WDR20: variants seen among roughly 807,000 people sequenced by gnomAD.
The protein encoded by WDR20 is WD repeat-containing protein 20.
Under a neutral mutation model 38.7 loss-of-function variants are expected in WDR20, and 3 were observed. The ratio of observed to expected loss-of-function variants is 0.08; its 90% CI spans 0.04 to 0.20. WDR20 has a LOEUF of 0.20. Ranked by LOEUF, WDR20 falls within the 10% of genes least tolerant of loss-of-function variation. The pLI is 1.00. For missense variants in WDR20, 559 were observed against 727.7 expected (o/e 0.77, Z 2.67); for synonymous variants, 298 against 285.6 (o/e 1.04, Z -0.44).
chr14:102,152,819 C>G (rs946008772), intron 1 of WDR20, among the ~76,000 whole-genome samples: 1 of 152,174 alleles, frequency 6.6e-6, no homozygotes, highest in Non-Finnish European at 1.5e-5. Flanking sequence ...GGATACTTTG[C>G]ATAGGTTATA....
chr14:102,170,536 G>C (rs529255699), intron 1 of WDR20, among the ~76,000 whole-genome samples: 1 of 151,872 alleles, frequency 6.6e-6, no homozygotes, highest in Non-Finnish European at 1.5e-5. Flanking sequence ...TATGAATTAA[G>C]CATTGTTTTG....
At chr14:102,178,793 G>A (rs2062734530) in intron 1 of WDR20, 1 of 151,988 alleles carries the variant, frequency 6.6e-6, no homozygotes, top group Non-Finnish European at 1.5e-5. Context: ...TCTCATCACA[G>A]CTCCCATTTA....
rs35097607 is a variant in WDR20, at chr14:102,220,719, C to CA, written c.1693-2093dup. ...TGGACAACAAAGTGAGACTCCGTCT[C>CA]AAAAAAAAAAAAAAAAAAGAAAATA... is the stretch of plus-strand genomic sequence containing the variant. On this transcript the variant is annotated intron_variant, in intron 3 of 3. Transcript: ENST00000335263. This position sits in a 1 kb window ranked among gnomAD's most constrained non-coding sequence, Gnocchi z 4.2. Among the ~76,000 whole-genome samples the CA allele has an allele frequency of 2.0e-4, 22 of 111,666 alleles. No homozygotes were observed. Among genetic ancestry groups the CA allele is most frequent in the East Asian group, 5.7e-4 (2 of 3,516 alleles). The allele number at this position is 111,666 out of a possible 152,430, so 73.3% of individuals were successfully genotyped here.
chr14:102,143,343 G>A (rs2052187737), intron 1 of WDR20, among the ~76,000 whole-genome samples: 1 of 150,962 alleles, frequency 6.6e-6, no homozygotes, highest in Non-Finnish European at 1.5e-5. Context: ...TTTAGAGTGG[G>A]GTTTCTTGTG....
intron 1 of WDR20, among the ~76,000 whole-genome samples, chr14:102,180,258 G>A (rs1196325959): frequency 6.6e-6 from 1 of 152,186 alleles, no homozygotes; most frequent in Non-Finnish European, 1.5e-5. Flanking sequence ...AACGCTGCCT[G>A]TAGCAGGGTC....
chr14:102,213,171 G>T, downstream of WDR20: 1 of 985,698 alleles, frequency 1.0e-6, no homozygotes, highest in Non-Finnish European at 1.2e-6. Context: ...CTGCGATGGG[G>T]CAGGCTTCTA....
chr14:102,181,623 C>G (rs905502286), intron 1 of WDR20, among the ~76,000 whole-genome samples: 6 of 152,172 alleles, frequency 3.9e-5, no homozygotes, highest in Non-Finnish European at 7.4e-5. Flanking sequence ...ATTATTCACA[C>G]TGGGAAATGA....
intron 1 of WDR20, among the ~76,000 whole-genome samples, chr14:102,190,856 C>G (rs2066187389): frequency 6.6e-6 from 1 of 152,014 alleles, no homozygotes; most frequent in Admixed American, 6.6e-5. Context: ...CAAAAATTAG[C>G]CGGGCATGTT....
chr14:102,224,096 C>T (rs1007206426), downstream of WDR20, among the ~76,000 whole-genome samples: 3 of 140,840 alleles, frequency 2.1e-5, no homozygotes, highest in East Asian at 4.2e-4. Flanking sequence ...GGCTGGAGTG[C>T]AGTGGCGCAA....
intron 1 of WDR20, among the ~76,000 whole-genome samples, chr14:102,156,945 C>T (rs868858906): frequency 5.3e-5 from 8 of 149,728 alleles, no homozygotes; most frequent in East Asian, 1.9e-4. Context: ...AGCGGAGATC[C>T]GCGCCGTTGC....
chr14:102,213,226 T>C (rs569034513), downstream of WDR20: 5 of 985,462 alleles, frequency 5.1e-6, no homozygotes, highest in South Asian at 1.9e-4. Context: ...GCTTTTTTCT[T>C]ATTCAGAAGG....
chr14:102,187,713 G>A (rs549882542), intron 1 of WDR20, among the ~76,000 whole-genome samples: 1 of 152,170 alleles, frequency 6.6e-6, no homozygotes, highest in Non-Finnish European at 1.5e-5. Flanking sequence ...GGAAATGGGT[G>A]GAAGGAGACT....
At position 102,166,675 on chromosome 14, in the gene WDR20, T is replaced by C. The variant is rs76819302; in HGVS notation, c.249+26503T>C. Among the ~76,000 whole-genome samples, 1,473 of 152,324 alleles carry C rather than the reference T, an allele frequency of 9.7e-3. 24 individuals are homozygous for C. The highest frequency in any genetic ancestry group is 0.034 in the African/African-American group (1,424 of 41,568). ...TACTATACTCTTCATTATCTCTATT[T>C]GTTTTTGCCCTAATTTTGTTTTGAG... On this transcript the variant is annotated intron_variant, in intron 1 of 2. Transcript: ENST00000342702.
At chr14:102,214,251 C>G (rs984406843), downstream of WDR20, 2 of 985,650 alleles carry the variant, frequency 2.0e-6, no homozygotes, top group East Asian at 2.3e-4. Flanking sequence ...AGGGCCCCCC[C>G]TTGTCTGGAG....
At chr14:102,175,629 A>T (rs2061892514) in intron 1 of WDR20, among the ~76,000 whole-genome samples, 1 of 152,152 alleles carries the variant, frequency 6.6e-6, no homozygotes, top group South Asian at 2.1e-4. Context: ...TTGAATTTAT[A>T]GATTGCTTTT....
intron 1 of WDR20, among the ~76,000 whole-genome samples, chr14:102,172,675 C>T (rs1405427634): frequency 7.0e-6 from 1 of 142,062 alleles, no homozygotes. Context: ...GACCCCCCCA[C>T]CTCCCTCCCG....
chr14:102,223,469 T>C (rs192176866), exon 4 of WDR20: 16 of 152,738 alleles, frequency 1.0e-4, no homozygotes, highest in Admixed American at 8.5e-4. Context: ...CCCTCTGAGG[T>C]GCGGCGTGAA....
chr14:102,215,675 G>A (rs1457666750), downstream of WDR20, among the ~76,000 whole-genome samples: 1 of 152,098 alleles, frequency 6.6e-6, no homozygotes, highest in Non-Finnish European at 1.5e-5. Flanking sequence ...AGAGTTCATT[G>A]TCTGCCTACT....
intron 1 of WDR20, among the ~76,000 whole-genome samples, chr14:102,150,020 A>T (rs1363976459): frequency 1.3e-5 from 2 of 152,158 alleles, no homozygotes; most frequent in African/African-American, 2.4e-5. Context: ...GTAGATTTTT[A>T]AAAAGTAGAT....
Sources: allele counts gnomAD v4.1 joint callset (sites outside exome capture counted in the v4.1 genomes callset), GRCh38; gene constraint gnomAD v4.1.1; non-coding constraint Gnocchi (gnomAD v3.1); transcripts MANE v1.5; gene names NCBI Gene and HGNC (gene_info 2026-07-23, HGNC 2026-07-21).